The following SLC30A8 variants were observed in gnomAD, a reference collection of about 807,000 sequenced individuals.
SLC30A8 encodes solute carrier family 30 member 8.
Under a neutral mutation model 36.9 loss-of-function variants are expected in SLC30A8, and 27 were observed. The observed-to-expected ratio is 0.73, with a 90% CI of 0.54 to 1.01. SLC30A8 has a LOEUF of 1.01. Ranked by LOEUF, SLC30A8 falls within the 50% of genes least tolerant of loss-of-function variation. The pLI, the probability that SLC30A8 is intolerant of heterozygous loss-of-function variation, is 0.00. For synonymous variants in SLC30A8, 164 were observed against 172.4 expected, an observed-to-expected ratio of 0.95 and a Z score of 0.38; for missense variants, 439 against 452.0, an observed-to-expected ratio of 0.97 and a Z score of 0.26.
At chr8:116,987,991 GC>G (rs1453181926) in intron 1 of SLC30A8, among the ~76,000 whole-genome samples, 1 of 152,204 alleles carries the variant, frequency 6.6e-6, no homozygotes, top group Non-Finnish European at 1.5e-5. Flanking sequence ...GAGCCATTAA[GC>G]CCAGCTGCCC....
chr8:117,079,525 A>G (rs1422529971), intron 2 of SLC30A8, among the ~76,000 whole-genome samples: 2 of 152,158 alleles, frequency 1.3e-5, no homozygotes, highest in African/African-American at 2.4e-5. Context: ...TCTCCTTGCT[A>G]ATGATGGGTT....
intron 2 of SLC30A8, among the ~76,000 whole-genome samples, chr8:117,118,616 C>T (rs1434504781): frequency 2.0e-5 from 3 of 151,858 alleles, no homozygotes; most frequent in African/African-American, 7.2e-5. Context: ...TGAGAGTCTA[C>T]AGCAGCCTAA....
intron 2 of SLC30A8, among the ~76,000 whole-genome samples, chr8:117,063,003 G>A (rs533374921): frequency 6.6e-6 from 1 of 152,230 alleles, no homozygotes; most frequent in African/African-American, 2.4e-5. Context: ...AGGGCTTCAG[G>A]CAACAGCTGC....
chr8:117,085,110 T>C (rs1247263029), intron 2 of SLC30A8, among the ~76,000 whole-genome samples: 6 of 152,142 alleles, frequency 3.9e-5, no homozygotes, highest in Admixed American at 3.9e-4. Context: ...AATCTTCATT[T>C]TTCCCTTGGC....
intron 2 of SLC30A8, among the ~76,000 whole-genome samples, chr8:117,091,969 G>A (rs1819148129): frequency 6.6e-6 from 1 of 152,068 alleles, no homozygotes; most frequent in African/African-American, 2.4e-5. Flanking sequence ...AAAAGACCAA[G>A]GAATCCCATC....
intron 1 of SLC30A8, among the ~76,000 whole-genome samples, chr8:117,144,795 C>T (rs567372321): frequency 2.0e-5 from 3 of 152,126 alleles, no homozygotes; most frequent in Non-Finnish European, 4.4e-5. Flanking sequence ...GAGGAGCAGC[C>T]CTGTGGTTTA....
upstream of SLC30A8, among the ~76,000 whole-genome samples, chr8:117,133,654 T>C (rs967068852): frequency 1.3e-5 from 2 of 152,002 alleles, no homozygotes; most frequent in African/African-American, 4.8e-5. Flanking sequence ...CTCTTGTCTG[T>C]GCTAGAAACT....
At chr8:116,980,968 CT>C (rs1815232817) in intron 1 of SLC30A8, among the ~76,000 whole-genome samples, 1 of 152,148 alleles carries the variant, frequency 6.6e-6, no homozygotes, top group Non-Finnish European at 1.5e-5. Context: ...ACAAGTCACC[CT>C]AAACTTAGTG....
intron 2 of SLC30A8, among the ~76,000 whole-genome samples, chr8:117,089,043 T>A (rs1199461475): frequency 6.6e-6 from 1 of 152,246 alleles, no homozygotes; most frequent in Admixed American, 6.5e-5. Context: ...GGTGTCTTCC[T>A]CCTTGAAGTA....
intron 1 of SLC30A8, among the ~76,000 whole-genome samples, chr8:116,979,869 A>T (rs1815195589): frequency 6.6e-6 from 1 of 152,328 alleles, no homozygotes; most frequent in African/African-American, 2.4e-5. Flanking sequence ...CTCTTGCAGC[A>T]GAAATAAAAT....
chr8:117,082,993 C>T (rs961109942), intron 2 of SLC30A8, among the ~76,000 whole-genome samples: 6 of 152,110 alleles, frequency 3.9e-5, no homozygotes, highest in African/African-American at 1.2e-4. Flanking sequence ...GTATTATGAC[C>T]GTGACTAAAA....
chr8:117,051,650 A>G (rs935407032), intron 2 of SLC30A8, among the ~76,000 whole-genome samples: 2 of 151,852 alleles, frequency 1.3e-5, no homozygotes, highest in Admixed American at 1.3e-4. Context: ...CATCTCTACT[A>G]AAAATACAAA....
chr8:117,011,202 A>T lies in SLC30A8; in HGVS notation c.-265-28017A>T, dbSNP rs1328673905. On this transcript the variant is annotated intron_variant, in intron 1 of 10. Coordinates refer to the SLC30A8 transcript ENST00000427715. ...TGGGGGAAGGGGATGCAGATTTTTGATGACATGGAGGAGCCCCTGAAACCA... is the reference window on the plus strand; with the variant it reads ...TGGGGGAAGGGGATGCAGATTTTTGTTGACATGGAGGAGCCCCTGAAACCA... 2.0e-5 allele frequency among the ~76,000 whole-genome samples: 3 copies of T among 152,168 alleles called. No homozygotes were observed. The East Asian group carries it at 5.8e-4, about 29-fold the overall frequency.
chr8:117,037,751 C>T (rs6469670), intron 1 of SLC30A8, among the ~76,000 whole-genome samples: 21,432 of 152,068 alleles, frequency 0.14, 2,996 homozygotes, highest in African/African-American at 0.36. Context: ...ATGGGATTCC[C>T]TGGACAGGGA....
intron 1 of SLC30A8, among the ~76,000 whole-genome samples, chr8:117,140,271 A>G (rs1229141115): frequency 1.3e-5 from 2 of 152,066 alleles, no homozygotes; most frequent in Admixed American, 1.3e-4. Context: ...ACATTGTTAA[A>G]TGCATTAACA....
chr8:116,979,260 AAAAAG>A (rs1468474506), intron 1 of SLC30A8, among the ~76,000 whole-genome samples: 2 of 151,612 alleles, frequency 1.3e-5, no homozygotes, highest in Non-Finnish European at 2.9e-5. Context: ...AAAAAAAAAA[AAAAAG>A]AAAACAAATC....
intron 2 of SLC30A8, among the ~76,000 whole-genome samples, chr8:117,056,731 C>T (rs1293884561): frequency 1.3e-5 from 2 of 151,916 alleles, no homozygotes; most frequent in Non-Finnish European, 2.9e-5. Flanking sequence ...ACTTATAAGC[C>T]CTTTGGGGAA....
At position 116,960,176 on chromosome 8, in the gene SLC30A8, T is replaced by C. The variant is rs531427226; in HGVS notation, c.-266+9057T>C. Among the ~76,000 whole-genome samples the C allele has an allele frequency of 4.6e-5, 7 of 152,328 alleles. No individual in the cohort carries two copies. In the South Asian group the frequency reaches 1.4e-3, roughly 32 times the overall value. On this transcript the variant is annotated intron_variant, in intron 1 of 10. Transcript: ENST00000427715. ...CTGTGTTTATTTTGTTTGTTTCAGG[T>C]GGGAAAATGTATGTAGCCCTAGCTG...
intron 1 of SLC30A8, among the ~76,000 whole-genome samples, chr8:116,987,647 C>T (rs1815494764): frequency 6.6e-6 from 1 of 151,910 alleles, no homozygotes; most frequent in African/African-American, 2.4e-5. Context: ...AATCCATAGC[C>T]TGTGAGCTAG....
Sources: allele counts gnomAD v4.1 joint callset (sites outside exome capture counted in the v4.1 genomes callset), GRCh38; gene constraint gnomAD v4.1.1; transcripts MANE v1.5; gene names NCBI Gene and HGNC (gene_info 2026-07-23, HGNC 2026-07-21).